The following NXN variants were observed in gnomAD, a reference collection of about 807,000 sequenced individuals.
The protein encoded by NXN is nucleoredoxin, also known as nucleoredoxin 1.
In NXN, 16 loss-of-function variants were observed where a neutral mutation model predicts 48.6. That is an observed-to-expected ratio of 0.33 (90% CI 0.22 to 0.50). The LOEUF (loss-of-function observed/expected upper bound fraction) is 0.50, where lower values mean the gene tolerates loss of function less well. Among genes scored for constraint, NXN ranks in the 20% least tolerant of loss-of-function variants. NXN has a pLI of 0.98. For missense variants in NXN, 492 were observed against 605.5 expected (o/e 0.81, Z 1.97); for synonymous variants, 281 against 269.6 (o/e 1.04, Z -0.41).
At chr17:895,803 T>A (rs376202477) in intron 1 of NXN, among the ~76,000 whole-genome samples, 1 of 147,070 alleles carries the variant, frequency 6.8e-6, no homozygotes, top group African/African-American at 2.5e-5. Flanking sequence ...GGGTTTTGTT[T>A]GTCTCAAAAA....
intron 1 of NXN, among the ~76,000 whole-genome samples, chr17:970,385 A>G (rs1203416615): frequency 6.6e-6 from 1 of 151,748 alleles, no homozygotes; most frequent in Admixed American, 6.6e-5. Context: ...TTTCCGTAGG[A>G]TGAAGGGGGA....
intron 1 of NXN, among the ~76,000 whole-genome samples, chr17:940,824 CAT>C (rs1462613219): frequency 6.6e-6 from 1 of 150,988 alleles, no homozygotes; most frequent in African/African-American, 2.5e-5. Context: ...TATGAACTCA[CAT>C]CACACCTTCC....
At chr17:843,056 G>GA (rs113972004) in intron 1 of NXN, among the ~76,000 whole-genome samples, 1,195 of 106,926 alleles carry the variant, frequency 0.011, 16 homozygotes, top group African/African-American at 0.019. Context: ...AAGAAAGAAA[G>GA]AAGGAAGAAA....
chr17:938,420 G>T, intron 1 of NXN, among the ~76,000 whole-genome samples: 1 of 152,328 alleles, frequency 6.6e-6, no homozygotes, highest in African/African-American at 2.4e-5. Flanking sequence ...GGCGGCTCAC[G>T]CCTGTAATCC....
intron 4 of NXN, among the ~76,000 whole-genome samples, chr17:820,195 C>T (rs62067087): frequency 0.25 from 37,296 of 152,018 alleles, 4,809 homozygotes; most frequent in Non-Finnish European, 0.28. Flanking sequence ...TTGTTCCGTG[C>T]CTTGTCTGTG....
At chr17:806,213 G>A (rs1283626240) in intron 5 of NXN, among the ~76,000 whole-genome samples, 8 of 43,716 alleles carry the variant, frequency 1.8e-4, no homozygotes, top group African/African-American at 3.8e-4. Context: ...AGCCCCCGCC[G>A]TCTGCACCCC....
chr17:964,834 A>G (rs2069283171), intron 1 of NXN, among the ~76,000 whole-genome samples: 1 of 152,220 alleles, frequency 6.6e-6, no homozygotes, highest in Non-Finnish European at 1.5e-5. Flanking sequence ...GCAGCTAGTG[A>G]CTGTCTATGG....
chr17:936,036 G>C (rs891894470), intron 1 of NXN, among the ~76,000 whole-genome samples: 2 of 142,078 alleles, frequency 1.4e-5, no homozygotes, highest in African/African-American at 5.3e-5. Context: ...AGGTTGCGGC[G>C]AGCCAAGATC....
chr17:909,448 G>A (rs1271194326), intron 1 of NXN, among the ~76,000 whole-genome samples: 2 of 151,542 alleles, frequency 1.3e-5, no homozygotes, highest in African/African-American at 2.4e-5. Flanking sequence ...TCAAGCCACC[G>A]AAAACCTGTT....
chr17:823,236 T>C (rs1912912369), intron 3 of NXN, among the ~76,000 whole-genome samples: 1 of 151,862 alleles, frequency 6.6e-6, no homozygotes. Context: ...CTGTCTCTAT[T>C]AAAAATACAA....
rs1030629365 is a variant in NXN at position 919,685 on chromosome 17, C to A, written c.360+59634G>T. Among the ~76,000 whole-genome samples the A allele has an allele frequency of 6.6e-6, 1 of 152,144 alleles. No individual in the cohort carries two copies. The highest frequency in any genetic ancestry group is 1.5e-5 in the Non-Finnish European group (1 of 68,034). ...GGAGACAGAGACAACACCAATCAGC[C>A]CTTACCAGGCAGTGCGTGGCTCCAG... is the stretch of plus-strand genomic sequence containing the variant. On this transcript the variant is annotated intron_variant, in intron 1 of 7. Transcript: ENST00000336868. The surrounding 1 kb of genome is among the most constrained non-coding windows in gnomAD (Gnocchi z 5.1).
chr17:811,771 G>A (rs1912026431), intron 5 of NXN, among the ~76,000 whole-genome samples: 1 of 152,076 alleles, frequency 6.6e-6, no homozygotes, highest in African/African-American at 2.4e-5. Flanking sequence ...CAAGGGCACA[G>A]CCTCGAGGCC....
At chr17:872,372 CAAG>C (rs1475775127) in intron 1 of NXN, among the ~76,000 whole-genome samples, 4 of 149,670 alleles carry the variant, frequency 2.7e-5, no homozygotes, top group Admixed American at 1.3e-4. Context: ...CAATCAAAGA[CAAG>C]GAGGGAGAGA....
At chr17:977,480 C>T (rs79013953) in intron 1 of NXN, among the ~76,000 whole-genome samples, 1 of 152,198 alleles carries the variant, frequency 6.6e-6, no homozygotes, top group Non-Finnish European at 1.5e-5. Context: ...GGCCCATGTC[C>T]TATCAAATAT....
chr17:951,836 G>A (rs969035872), intron 1 of NXN, among the ~76,000 whole-genome samples: 12 of 152,164 alleles, frequency 7.9e-5, no homozygotes, highest in African/African-American at 2.9e-4. Context: ...GAGAGGACGG[G>A]AGGCAGGAAA....
At chr17:943,040 G>A (rs1439289209) in intron 1 of NXN, among the ~76,000 whole-genome samples, 2 of 151,712 alleles carry the variant, frequency 1.3e-5, no homozygotes, top group African/African-American at 4.8e-5. Flanking sequence ...GTGCAGCCAT[G>A]AATTCACCAA....
chr17:939,975 C>A (rs1283145393), intron 1 of NXN, among the ~76,000 whole-genome samples: 1 of 151,810 alleles, frequency 6.6e-6, no homozygotes, highest in Non-Finnish European at 1.5e-5. Flanking sequence ...TTGCTGTCAT[C>A]CAGGCTGGAG....
At chr17:974,166 A>G (rs979110242) in intron 1 of NXN, among the ~76,000 whole-genome samples, 4 of 151,532 alleles carry the variant, frequency 2.6e-5, no homozygotes, top group South Asian at 2.1e-4. Context: ...TGGCTAACAC[A>G]GTGAAACCCC....
chr17:976,189 CTTT>C lies in NXN; in HGVS notation c.360+3127_360+3129del, dbSNP rs71371601. Among the ~76,000 whole-genome samples, 40 of 147,212 alleles carry C rather than the reference CTTT, an allele frequency of 2.7e-4. 1 individual carries two copies. The highest frequency in any genetic ancestry group is 9.9e-4 in the African/African-American group (40 of 40,492). ...AAGAATGTTTTTTTACATTTTTGTC[CTTT>C]TTTTTTTTGGTGTTTTCTCACAGTT... On this transcript the variant is annotated intron_variant, in intron 1 of 7. Coordinates refer to ENST00000336868, the MANE Select transcript of NXN (RefSeq NM_022463.5).
Sources: gnomAD v4.1 joint callset for allele counts (sites outside exome capture counted in the v4.1 genomes callset) on GRCh38, gnomAD v4.1.1 for gene constraint, Gnocchi (gnomAD v3.1) non-coding constraint, MANE v1.5 for transcripts, NCBI Gene and HGNC (gene_info 2026-07-23, HGNC 2026-07-21) for gene names.